The following KLHL24 variants were observed in gnomAD, a reference collection of about 807,000 sequenced individuals.
KLHL24 encodes the protein kelch-like protein 24.
Under a neutral mutation model 53.4 loss-of-function variants are expected in KLHL24, and 29 were observed. That is an observed-to-expected ratio of 0.54 (90% CI 0.40 to 0.74). The LOEUF (loss-of-function observed/expected upper bound fraction) is 0.74. Among genes scored for constraint, KLHL24 ranks in the 30% least tolerant of loss-of-function variants. The pLI, the probability that KLHL24 is intolerant of heterozygous loss-of-function variation, is 0.00. For synonymous variants in KLHL24, 222 were observed against 253.7 expected (o/e 0.88, Z 1.19); for missense variants, 504 against 744.0 (o/e 0.68, Z 3.75).
intron 2 of KLHL24, among the ~76,000 whole-genome samples, chr3:183,647,091 G>A (rs958907053): frequency 1.3e-5 from 2 of 148,994 alleles, no homozygotes; most frequent in African/African-American, 5.0e-5. Flanking sequence ...GATTGCAGGC[G>A]TCAGCCACCG....
chr3:183,679,303 CGAAGAAGCCACACT>C lies in KLHL24; in HGVS notation c.*20_*33del. The C allele has an allele frequency of 6.3e-7, 1 of 1,596,780 alleles. No individual in the cohort carries two copies. The highest frequency in any genetic ancestry group is 1.1e-5 in the South Asian group (1 of 90,678). On this transcript the variant is annotated 3_prime_UTR_variant, in exon 8 of 8. Coordinates refer to ENST00000242810, the MANE Select transcript of KLHL24 (RefSeq NM_017644.3). ...AAACTCTGAAGACAGGATACCTCACCGAAGAAGCCACACTGATCCAAGATGGGAGGTTTTAAAAA... is the reference window on the plus strand; with the variant it reads ...AAACTCTGAAGACAGGATACCTCACCGATCCAAGATGGGAGGTTTTAAAAA...
At chr3:183,677,980 A>G (rs1026920580) in intron 7 of KLHL24, among the ~76,000 whole-genome samples, 1 of 152,110 alleles carries the variant, frequency 6.6e-6, no homozygotes, top group African/African-American at 2.4e-5. Flanking sequence ...TTTAGTAGAG[A>G]TGGTGTTTCA....
At chr3:183,675,701 G>A (rs1033602742) in intron 7 of KLHL24, among the ~76,000 whole-genome samples, 8 of 151,984 alleles carry the variant, frequency 5.3e-5, no homozygotes, top group African/African-American at 1.7e-4. Flanking sequence ...GGGAAGCTGA[G>A]GCAGGAGGAT....
chr3:183,661,306 A>C (rs1719759147), intron 3 of KLHL24, among the ~76,000 whole-genome samples: 1 of 152,084 alleles, frequency 6.6e-6, no homozygotes, highest in South Asian at 2.1e-4. Context: ...GAAATAGATT[A>C]CATGGGTGTC....
chr3:183,662,394 T>A (rs1417550734), intron 3 of KLHL24, among the ~76,000 whole-genome samples: 3 of 138,378 alleles, frequency 2.2e-5, no homozygotes, highest in African/African-American at 8.8e-5. Context: ...GATGTGGGTT[T>A]TTTTTTCCCC....
chr3:183,644,937 T>A (rs1717012117), intron 2 of KLHL24, among the ~76,000 whole-genome samples: 1 of 152,242 alleles, frequency 6.6e-6, no homozygotes, highest in South Asian at 2.1e-4. Flanking sequence ...TGAAAATGTA[T>A]GCAGGAAGAA....
intron 1 of KLHL24, among the ~76,000 whole-genome samples, chr3:183,637,250 G>C (rs1715447986): frequency 6.6e-6 from 1 of 152,154 alleles, no homozygotes; most frequent in South Asian, 2.1e-4. Context: ...GTTTTTATTA[G>C]GGTTGTAAAA....
At chr3:183,652,958 A>G (rs1045520125) in intron 3 of KLHL24, among the ~76,000 whole-genome samples, 1 of 152,228 alleles carries the variant, frequency 6.6e-6, no homozygotes, top group Admixed American at 6.5e-5. Context: ...AAAATAAGAC[A>G]TTGATTACTA....
At chr3:183,645,743 T>C (rs532914830) in intron 2 of KLHL24, among the ~76,000 whole-genome samples, 1 of 152,320 alleles carries the variant, frequency 6.6e-6, no homozygotes, top group African/African-American at 2.4e-5. Context: ...CAAAACATAA[T>C]TGGGTCGAAG....
At chr3:183,640,111 A>G (rs2872316) in intron 1 of KLHL24, among the ~76,000 whole-genome samples, 1 of 122,772 alleles carries the variant, frequency 8.1e-6, no homozygotes, top group African/African-American at 3.2e-5. Flanking sequence ...AAATAAAACA[A>G]TGCATTAAAT....
At chr3:183,646,361 CAA>C (rs35945634) in intron 2 of KLHL24, among the ~76,000 whole-genome samples, 178 of 66,736 alleles carry the variant, frequency 2.7e-3, no homozygotes, top group African/African-American at 6.4e-3. Context: ...GACTCCATCT[CAA>C]AAAAAAAAAA....
chr3:183,642,493 A>C (rs1409598890), intron 1 of KLHL24, among the ~76,000 whole-genome samples: 3 of 151,724 alleles, frequency 2.0e-5, no homozygotes, highest in Non-Finnish European at 4.4e-5. Flanking sequence ...CTATTTAAAG[A>C]TATCTGGGCC....
chr3:183,650,170 A>G lies in KLHL24; in HGVS notation c.-61-126A>G. ...TGATTAGTTTTTATTAACATGAGAT[A>G]GTGCTGTGTACCCTATATGAAATAT... On this transcript the variant is annotated intron_variant, in intron 2 of 7. Transcript: ENST00000242810. The surrounding 1 kb of genome is among the most constrained non-coding windows in gnomAD (Gnocchi z 4.5). 3.7e-6 allele frequency: 2 copies of G among 540,604 alleles called. No individual in the cohort carries two copies. Among genetic ancestry groups the G allele is most frequent in the Non-Finnish European group, 6.4e-6 (2 of 310,960 alleles). The allele number at this position is 540,604 out of a possible 1,614,324, so 33.5% of individuals were successfully genotyped here.
chr3:183,672,722 T>C, intron 7 of KLHL24: 1 of 225,920 alleles, frequency 4.4e-6, no homozygotes, highest in South Asian at 1.1e-4. Context: ...TGGCCAGGCG[T>C]GGTGGTTCAT....
intron 1 of KLHL24, among the ~76,000 whole-genome samples, chr3:183,639,600 A>G (rs946220996): frequency 4.8e-5 from 7 of 145,960 alleles, no homozygotes; most frequent in African/African-American, 1.8e-4. Context: ...GCTGCACTCC[A>G]GCCTGGGTGA....
chr3:183,669,400 G>T (rs1433098662), intron 5 of KLHL24, among the ~76,000 whole-genome samples: 1 of 152,044 alleles, frequency 6.6e-6, no homozygotes, highest in African/African-American at 2.4e-5. Context: ...TCTCCAAAAG[G>T]GTAGATAAAT....
chr3:183,638,270 A>G (rs1715694222), intron 1 of KLHL24, among the ~76,000 whole-genome samples: 1 of 152,242 alleles, frequency 6.6e-6, no homozygotes, highest in Admixed American at 6.5e-5. Context: ...ATTCTGCGTT[A>G]AGGCTGACTA....
At chr3:183,670,970 T>C in intron 5 of KLHL24, 64 bp from the exon 6 acceptor site, 2 of 1,125,448 alleles carry the variant, frequency 1.8e-6, no homozygotes, top group Non-Finnish European at 2.6e-6. Context: ...CTTAATTCTT[T>C]AGCCAACTAC....
At chr3:183,636,228 G>A (rs987812714) in intron 1 of KLHL24, 1 of 152,302 alleles carries the variant, frequency 6.6e-6, no homozygotes, top group Non-Finnish European at 1.5e-5. Context: ...CAGGAAGCCC[G>A]GGGGAGTGCG....
Sources: allele counts gnomAD v4.1 joint callset (sites outside exome capture counted in the v4.1 genomes callset), GRCh38; gene constraint gnomAD v4.1.1; non-coding constraint Gnocchi (gnomAD v3.1); transcripts MANE v1.5; gene names NCBI Gene and HGNC (gene_info 2026-07-23, HGNC 2026-07-21).